SH3PXD2A: variants seen among roughly 807,000 people sequenced by gnomAD.
SH3PXD2A encodes the protein SH3 and PX domains 2A.
A neutral mutation model predicts 115.2 loss-of-function variants in SH3PXD2A; 32 were observed. That is an observed-to-expected ratio of 0.28 (90% CI 0.21 to 0.37). The LOEUF (loss-of-function observed/expected upper bound fraction) is 0.37, where lower values mean the gene tolerates loss of function less well. Among genes scored for constraint, SH3PXD2A ranks in the 10% least tolerant of loss-of-function variants. The probability of loss-of-function intolerance (pLI) is 1.00; values close to 1 mark genes in which losing one functional copy is unlikely to be tolerated. For missense variants in SH3PXD2A, 1,328 were observed against 1,498.7 expected, an observed-to-expected ratio of 0.89 and a Z score of 1.88; for synonymous variants, 610 against 629.1, an observed-to-expected ratio of 0.97 and a Z score of 0.45.
rs760253693 is a variant in SH3PXD2A, at chr10:103,612,982, CCTT to C, written c.1126_1128del (p.Lys376del). The C allele has an allele frequency of 1.2e-6, 2 of 1,614,254 alleles. No homozygotes were observed. Among genetic ancestry groups the C allele is most frequent in the Non-Finnish European group, 1.7e-6 (2 of 1,180,046 alleles). The stretch of plus-strand genomic sequence containing the variant: ...TTGCAGAGGATGGGCAGGCTGATCT[CCTT>C]CTTGGCAATGGGGGCCTCATGGCCC... On this transcript the variant is annotated inframe_deletion, in exon 12 of 15. Transcript: ENST00000369774.
At chr10:103,647,696 G>A (rs999234053) in intron 8 of SH3PXD2A, among the ~76,000 whole-genome samples, 2 of 152,148 alleles carry the variant, frequency 1.3e-5, no homozygotes, top group Non-Finnish European at 2.9e-5. Flanking sequence ...CCCAGGTGCC[G>A]AGGTAACTAT....
At chr10:103,645,905 TCAC>T (rs1446601940) in intron 8 of SH3PXD2A, among the ~76,000 whole-genome samples, 1 of 152,154 alleles carries the variant, frequency 6.6e-6, no homozygotes, top group Non-Finnish European at 1.5e-5. Flanking sequence ...TCCAGTGGAT[TCAC>T]CAAGAGGCAG....
intron 3 of SH3PXD2A, among the ~76,000 whole-genome samples, chr10:103,758,740 T>C (rs1003084610): frequency 2.0e-5 from 3 of 152,202 alleles, no homozygotes; most frequent in African/African-American, 7.2e-5. Context: ...GAAGACAAAA[T>C]ACCTCCAGTG....
intron 1 of SH3PXD2A, among the ~76,000 whole-genome samples, chr10:103,831,472 C>G (rs1363779336): frequency 6.6e-6 from 1 of 152,104 alleles, no homozygotes; most frequent in African/African-American, 2.4e-5. Flanking sequence ...TATTTTTGGA[C>G]AGAAGCATTT....
intron 3 of SH3PXD2A, chr10:103,755,000 G>A (rs2038623568): frequency 6.6e-6 from 1 of 152,198 alleles, no homozygotes; most frequent in African/African-American, 2.4e-5. Flanking sequence ...AATCACCTGT[G>A]CATGTTAAAA....
At chr10:103,654,986 G>A (rs1592284336) in intron 8 of SH3PXD2A, among the ~76,000 whole-genome samples, 1 of 151,976 alleles carries the variant, frequency 6.6e-6, no homozygotes, top group African/African-American at 2.4e-5. Context: ...GGGCTAGCAT[G>A]CCTGCCTCTG....
intron 8 of SH3PXD2A, among the ~76,000 whole-genome samples, chr10:103,643,148 T>C (rs747437147): frequency 6.6e-6 from 1 of 152,214 alleles, no homozygotes; most frequent in Non-Finnish European, 1.5e-5. Context: ...ACGTGGATTC[T>C]TCTACTTGGT....
chr10:103,731,275 C>T (rs1475403200), intron 4 of SH3PXD2A, among the ~76,000 whole-genome samples: 1 of 151,938 alleles, frequency 6.6e-6, no homozygotes, highest in Middle Eastern at 3.2e-3. Flanking sequence ...ACCCTCCCAC[C>T]TCAGCCTCAC....
chr10:103,754,689 G>C (rs1297013079), intron 3 of SH3PXD2A: 1 of 152,166 alleles, frequency 6.6e-6, no homozygotes, highest in African/African-American at 2.4e-5. Context: ...GATGGGGAGA[G>C]AGGGCTGTTA....
At chr10:103,690,081 T>G (rs978474011) in intron 6 of SH3PXD2A, among the ~76,000 whole-genome samples, 1 of 152,244 alleles carries the variant, frequency 6.6e-6, no homozygotes, top group East Asian at 1.9e-4. Flanking sequence ...AAGGACTGTG[T>G]GTGGGCAGTC....
Position 103,703,829 on chromosome 10 carries a change from G to A in SH3PXD2A, c.399-10773C>T, listed in dbSNP as rs549138559. ...TCCAGACTCTGACATGGTATGGCCA[G>A]AAGGTTTGCTTGGCTCCCATGGTGC... On this transcript the variant is annotated intron_variant, in intron 5 of 14. Coordinates refer to ENST00000369774, the MANE Select transcript of SH3PXD2A (RefSeq NM_001394015.1). Among the ~76,000 whole-genome samples, 41 of 152,318 alleles carry A rather than the reference G, an allele frequency of 2.7e-4. 1 individual carries two copies. The highest frequency in any genetic ancestry group is 8.9e-4 in the African/African-American group (37 of 41,580).
At chr10:103,808,621 C>T (rs922442074) in intron 1 of SH3PXD2A, among the ~76,000 whole-genome samples, 8 of 152,180 alleles carry the variant, frequency 5.3e-5, no homozygotes, top group African/African-American at 1.2e-4. Context: ...GATCTGGACC[C>T]CCACTAGCCT....
At chr10:103,678,289 G>A (rs564550818) in intron 6 of SH3PXD2A, 3 of 494,432 alleles carry the variant, frequency 6.1e-6, no homozygotes, top group South Asian at 1.6e-5. Flanking sequence ...GAGATGCCAC[G>A]TAAACAGAGC....
In SH3PXD2A at chr10:103,602,094, C is replaced by T. The variant is rs537959543; in HGVS notation, c.3124G>A (p.Asp1042Asn). Reference protein sequence around the residue: ...LAERAASQGSDSPLLPAQRNS... With the variant: ...LAERAASQGSNSPLLPAQRNS... The stretch of plus-strand genomic sequence containing the variant: ...CGCTGGGCGGGCAGTAGGGGTGAGT[C>T]TGAACCCTGGCTGGCAGCCCGTTCG... Residue 1042 changes from aspartate (D) to asparagine (N), a missense_variant, in exon 15 of 15, where the codon GAC becomes AAC. Physicochemically the swap from Asp to Asn is conservative, Grantham distance 23. Around this residue, in one of 5 missense-constraint regions of SH3PXD2A, gnomAD observed 574 missense variants for 565.7 expected, o/e 1.01. Transcript: ENST00000369774. 3.4e-5 allele frequency: 55 copies of T among 1,595,564 alleles called. 1 individual carries two copies. In the South Asian group the frequency reaches 4.9e-4, roughly 14 times the overall value.
chr10:103,735,697 C>A, intron 4 of SH3PXD2A, 35 bp downstream of exon 4: 1 of 1,390,312 alleles, frequency 7.2e-7, no homozygotes. Context: ...GAAGCCCTCC[C>A]CGAGCCCCTC....
chr10:103,607,756 T>A (rs1250254611), intron 13 of SH3PXD2A, among the ~76,000 whole-genome samples: 2 of 152,150 alleles, frequency 1.3e-5, no homozygotes, highest in African/African-American at 4.8e-5. Flanking sequence ...GGTTGCCGCG[T>A]CTGTGTAGAA....
chr10:103,855,232 A>G lies in SH3PXD2A; in HGVS notation c.35T>C (p.Val12Ala). The change falls in exon 1 of 15, where the codon GTG (valine) becomes GCG (alanine). Residue 12 changes from valine (V) to alanine (A), a missense_variant. Transcript: ENST00000369774. The part of the protein sequence containing the change: ...LAYCVQDATV[V>A]DVEKRRNPSK... ...GGGGTTCCTCCGCTTCTCCACGTCC[A>G]CCACGGTGGCATCCTGCACGCAGTA... The G allele has an allele frequency of 1.3e-6, 2 of 1,538,502 alleles. No homozygotes were observed. Among genetic ancestry groups the G allele is most frequent in the South Asian group, 1.2e-5 (1 of 82,582 alleles).
intron 3 of SH3PXD2A, among the ~76,000 whole-genome samples, chr10:103,743,737 T>C (rs1013980071): frequency 7.1e-6 from 1 of 140,846 alleles, no homozygotes; most frequent in Non-Finnish European, 1.5e-5. Flanking sequence ...GCCCTAAGAA[T>C]ACCCAACTCT....
intron 4 of SH3PXD2A, among the ~76,000 whole-genome samples, chr10:103,733,656 C>T (rs117778043): frequency 0.011 from 1,693 of 152,356 alleles, 18 homozygotes; most frequent in Middle Eastern, 0.031. Flanking sequence ...TGTTCACAGT[C>T]ACGAAATTCA....
Sources: allele counts gnomAD v4.1 joint callset (sites outside exome capture counted in the v4.1 genomes callset), GRCh38; gene constraint gnomAD v4.1.1; regional missense constraint gnomAD v4.1.1; transcripts MANE v1.5; gene names NCBI Gene and HGNC (gene_info 2026-07-23, HGNC 2026-07-21).